The following MEDAG variants were observed in gnomAD, a reference collection of about 807,000 sequenced individuals.
MEDAG encodes mesenteric estrogen-dependent adipogenesis protein.
MEDAG carries 25 observed loss-of-function variants against 29.9 expected under a neutral mutation model. The ratio of observed to expected loss-of-function variants is 0.84; its 90% CI spans 0.61 to 1.17. MEDAG has a LOEUF of 1.17. MEDAG is among the 50% of genes most tolerant of loss of function. MEDAG has a pLI of 0.00. For missense variants in MEDAG, 398 were observed against 372.9 expected (o/e 1.07, Z -0.56); for synonymous variants, 158 against 148.2 (o/e 1.07, Z -0.48).
At position 30,910,598 on chromosome 13, in the gene MEDAG, CAAAT is replaced by C. The variant is rs1952873211; in HGVS notation, c.278+3812_278+3815del. ...CTTTCTCACTCATTTCCTGAATCTA[CAAAT>C]AAATAACTGGAATTATGTCAGCTAG... is the stretch of plus-strand genomic sequence containing the variant. On this transcript the variant is annotated intron_variant, in intron 1 of 4. Coordinates refer to ENST00000380482, the MANE Select transcript of MEDAG (RefSeq NM_032849.4). 2.6e-5 allele frequency among the ~76,000 whole-genome samples: 4 copies of C among 152,320 alleles called. No individual in the cohort carries two copies. The East Asian group carries it at 7.7e-4, about 29-fold the overall frequency.
intron 2 of MEDAG, among the ~76,000 whole-genome samples, chr13:30,918,045 G>C (rs1952946713): frequency 6.6e-6 from 1 of 152,134 alleles, no homozygotes; most frequent in Non-Finnish European, 1.5e-5. Flanking sequence ...CACAGCACAT[G>C]CCTGCAGAAC....
chr13:30,923,141 G>A (rs772473971), intron 4 of MEDAG, among the ~76,000 whole-genome samples: 4 of 151,812 alleles, frequency 2.6e-5, no homozygotes, highest in Non-Finnish European at 4.4e-5. Context: ...GGCTGGTCTC[G>A]AACTCCTGAC....
intron 2 of MEDAG, among the ~76,000 whole-genome samples, chr13:30,919,954 C>CA (rs2138126075): frequency 6.6e-6 from 1 of 152,294 alleles, no homozygotes; most frequent in East Asian, 1.9e-4. Context: ...CAGAATTGAA[C>CA]ATGAGGGGTT....
At chr13:30,907,659 T>C (rs1367272509) in intron 1 of MEDAG, among the ~76,000 whole-genome samples, 2 of 152,226 alleles carry the variant, frequency 1.3e-5, no homozygotes, top group African/African-American at 4.8e-5. Context: ...AAAGACCTGT[T>C]ATATTTGTGC....
chr13:30,923,360 C>T (rs1284924977), intron 4 of MEDAG, among the ~76,000 whole-genome samples: 4 of 151,776 alleles, frequency 2.6e-5, no homozygotes, highest in South Asian at 2.1e-4. Context: ...TTCTCTTTCT[C>T]TCTGTGTGTT....
intron 2 of MEDAG, among the ~76,000 whole-genome samples, chr13:30,918,844 C>A (rs1358118806): frequency 6.6e-6 from 1 of 152,152 alleles, no homozygotes; most frequent in African/African-American, 2.4e-5. Context: ...TGCCCAGTAA[C>A]AAGAAGTGCT....
chr13:30,917,815 C>T (rs548908896), intron 2 of MEDAG, among the ~76,000 whole-genome samples: 3 of 152,300 alleles, frequency 2.0e-5, no homozygotes, highest in African/African-American at 7.2e-5. Context: ...CTCCCATGAT[C>T]CAGTCATCTC....
chr13:30,911,310 C>G (rs919881214), intron 1 of MEDAG, among the ~76,000 whole-genome samples: 7 of 152,150 alleles, frequency 4.6e-5, no homozygotes, highest in African/African-American at 1.7e-4. Flanking sequence ...AGAAATCACA[C>G]TCAGATCTGA....
intron 2 of MEDAG, among the ~76,000 whole-genome samples, chr13:30,918,182 G>T (rs1168867460): frequency 1.3e-5 from 2 of 152,278 alleles, no homozygotes; most frequent in African/African-American, 4.8e-5. Context: ...GAGTGATGAG[G>T]ATGATATATA....
At position 30,917,508 on chromosome 13, in the gene MEDAG, A is replaced by C; in HGVS notation, c.384A>C (p.Ser128=). The change falls in exon 2 of 5, where the codon TCA becomes TCC. Residue 128 remains serine, a synonymous_variant. Transcript: ENST00000380482. ...FINVQTKKDT[S]KERTYAFLVN... ...ATGTACAGACCAAAAAAGACACCTC[A>C]AAAGGTAAGTATCTATATTAGTCCA... is the stretch of plus-strand genomic sequence containing the variant. 2 of 1,537,590 alleles carry C rather than the reference A, an allele frequency of 1.3e-6. No homozygotes were observed. Among genetic ancestry groups the C allele is most frequent in the East Asian group, 4.5e-5 (2 of 44,498 alleles).
chr13:30,910,485 G>A (rs1952872405), intron 1 of MEDAG, among the ~76,000 whole-genome samples: 1 of 152,216 alleles, frequency 6.6e-6, no homozygotes, highest in African/African-American at 2.4e-5. Flanking sequence ...CAGAGCTTAA[G>A]TAATTTACCT....
chr13:30,907,795 T>G (rs1952844231), intron 1 of MEDAG, among the ~76,000 whole-genome samples: 1 of 152,214 alleles, frequency 6.6e-6, no homozygotes, highest in Admixed American at 6.5e-5. Context: ...TGGCACCCTG[T>G]GGGTAGGAGG....
chr13:30,921,117 C>T lies in MEDAG; in HGVS notation c.492C>T (p.Tyr164=). The T allele has an allele frequency of 6.2e-7, 1 of 1,613,388 alleles. No individual in the cohort carries two copies. Among genetic ancestry groups the T allele is most frequent in the African/African-American group, 1.3e-5 (1 of 75,066 alleles). The part of the protein sequence containing the change: ...MVISSVIGES[Y]RLQFDFQEAV... ...TCTCCTCAGTGATTGGAGAAAGTTA[C>T]CGGCTTCAGGTAAGCCTAGCCTGTC... Residue 164 remains tyrosine, a synonymous_variant, in exon 3 of 5, where the codon TAC becomes TAT. Transcript: ENST00000380482.
At chr13:30,914,985 A>G (rs1037897471) in intron 1 of MEDAG, among the ~76,000 whole-genome samples, 1 of 152,236 alleles carries the variant, frequency 6.6e-6, no homozygotes. Context: ...ACTGAACTCC[A>G]TGTAAACAGG....
At chr13:30,914,605 A>G (rs1355661122) in intron 1 of MEDAG, among the ~76,000 whole-genome samples, 2 of 152,156 alleles carry the variant, frequency 1.3e-5, no homozygotes, top group African/African-American at 2.4e-5. Context: ...TACACTCAAC[A>G]TGTGGCTATC....
intron 1 of MEDAG, among the ~76,000 whole-genome samples, chr13:30,910,172 A>G (rs1943610048): frequency 6.9e-6 from 1 of 144,068 alleles, no homozygotes; most frequent in South Asian, 2.3e-4. Flanking sequence ...CAAAATTACC[A>G]TTAACTACGA....
At chr13:30,910,193 A>ACACAC (rs1555264548) in intron 1 of MEDAG, among the ~76,000 whole-genome samples, 16 of 149,274 alleles carry the variant, frequency 1.1e-4, no homozygotes, top group Admixed American at 6.0e-4. Flanking sequence ...CACACACACA[A>ACACAC]ACACACACAC....
rs1593501390 is a variant in MEDAG at position 30,906,807 on chromosome 13, C to A, written c.278+14C>A. Reference sequence around the variant, plus strand: ...CTACATCAAGAGGTGGGTGGCCTCGCCGTGCGCCCTGGCCCGTCGCCTGGT... The same window carrying A: ...CTACATCAAGAGGTGGGTGGCCTCGACGTGCGCCCTGGCCCGTCGCCTGGT... On this transcript the variant is annotated intron_variant, in intron 1 of 4. Coordinates refer to ENST00000380482, the MANE Select transcript of MEDAG (RefSeq NM_032849.4). 2 of 1,461,166 alleles carry A rather than the reference C, an allele frequency of 1.4e-6. No homozygotes were observed. Among genetic ancestry groups the A allele is most frequent in the East Asian group, 5.2e-5 (2 of 38,336 alleles). 90.5% of individuals were successfully genotyped at this position (1,461,166 alleles called of 1,614,324 possible).
intron 1 of MEDAG, 66 bp downstream of exon 1, chr13:30,906,859 G>A (rs1330487818): frequency 5.0e-6 from 7 of 1,393,128 alleles, no homozygotes; most frequent in Middle Eastern, 5.1e-4. Flanking sequence ...ACCCGGCTGC[G>A]GTCTCTGGGA....
Sources: gnomAD v4.1 joint callset for allele counts (sites outside exome capture counted in the v4.1 genomes callset) on GRCh38, gnomAD v4.1.1 for gene constraint, MANE v1.5 for transcripts, NCBI Gene and HGNC (gene_info 2026-07-23, HGNC 2026-07-21) for gene names.